Variants in GRIA3 observed in about 807,000 individuals in gnomAD.
The protein encoded by GRIA3 is glutamate receptor 3.
GRIA3 carries 3 observed loss-of-function variants against 63.0 expected under a neutral mutation model. The ratio of observed to expected loss-of-function variants is 0.05; its 90% CI spans 0.02 to 0.12. The LOEUF (loss-of-function observed/expected upper bound fraction) is 0.12, where lower values mean the gene tolerates loss of function less well. GRIA3 is among the 10% of genes least tolerant of loss of function. GRIA3 has a pLI of 1.00. For synonymous variants in GRIA3, 274 were observed against 257.9 expected (o/e 1.06, Z -0.60); for missense variants, 347 against 700.9 (o/e 0.50, Z 5.70).
chrX:123,456,953 G>A (rs967225855), intron 12 of GRIA3, among the ~76,000 whole-genome samples: 3 of 110,660 alleles, frequency 2.7e-5, no homozygotes, highest in African/African-American at 9.9e-5. Context: ...TACAGAGGAC[G>A]CTAAATAATT....
At chrX:123,463,658 A>AG (rs2045812504) in intron 12 of GRIA3, among the ~76,000 whole-genome samples, 2 of 52,530 alleles carry the variant, frequency 3.8e-5, no homozygotes, top group African/African-American at 1.1e-4. Context: ...GAAAGAAAGA[A>AG]AGAAAGAAAG....
intron 3 of GRIA3, among the ~76,000 whole-genome samples, chrX:123,303,958 G>C (rs143708235): frequency 9.0e-6 from 1 of 111,068 alleles, no homozygotes; most frequent in South Asian, 3.8e-4. Flanking sequence ...CAAAAGGAGC[G>C]GGTGATATCA....
At chrX:123,331,835 G>C (rs1387490901) in intron 4 of GRIA3, among the ~76,000 whole-genome samples, 1 of 111,198 alleles carries the variant, frequency 9.0e-6, no homozygotes, top group African/African-American at 3.3e-5. Flanking sequence ...AATTTCTTTG[G>C]GGCTCATTTT....
At chrX:123,267,420 C>T (rs1030340059) in intron 3 of GRIA3, among the ~76,000 whole-genome samples, 27 of 111,864 alleles carry the variant, frequency 2.4e-4, no homozygotes, top group African/African-American at 1.3e-4. Flanking sequence ...AGCTGCAGTG[C>T]GCCTTATGGT....
chrX:123,269,297 C>T (rs1290363488), intron 3 of GRIA3, among the ~76,000 whole-genome samples: 1 of 112,034 alleles, frequency 8.9e-6, no homozygotes, highest in African/African-American at 3.2e-5. Context: ...ATAATAATTG[C>T]CCCTAACTTA....
chrX:123,432,423 TTCTC>T (rs2045623063), intron 12 of GRIA3, among the ~76,000 whole-genome samples: 1 of 112,457 alleles, frequency 8.9e-6, no homozygotes, highest in Non-Finnish European at 1.9e-5. Context: ...ATTTTTCTCT[TTCTC>T]ATTTGCTGAA....
intron 10 of GRIA3, among the ~76,000 whole-genome samples, chrX:123,411,433 G>A (rs990538005): frequency 1.8e-5 from 2 of 111,853 alleles, no homozygotes; most frequent in Non-Finnish European, 3.8e-5. Flanking sequence ...AATTCTTAAA[G>A]ATATAACAAG....
intron 2 of GRIA3, among the ~76,000 whole-genome samples, chrX:123,248,464 T>C (rs747092746): frequency 8.9e-6 from 1 of 112,259 alleles, no homozygotes; most frequent in South Asian, 3.8e-4. Context: ...TCCATCACCA[T>C]TTTACCAGAG....
intron 5 of GRIA3, among the ~76,000 whole-genome samples, chrX:123,357,783 A>C (rs1180847490): frequency 7.2e-5 from 8 of 111,416 alleles, no homozygotes; most frequent in Non-Finnish European, 1.9e-5. Context: ...TCCTTTAAAA[A>C]TAAAGTAATG....
At chrX:123,247,556 A>T (rs2044366316) in intron 2 of GRIA3, among the ~76,000 whole-genome samples, 1 of 111,633 alleles carries the variant, frequency 9.0e-6, no homozygotes, top group Non-Finnish European at 1.9e-5. Flanking sequence ...ATACAGAGAC[A>T]GGCACTCTTA....
chrX:123,451,823 T>C (rs906255556), intron 12 of GRIA3, among the ~76,000 whole-genome samples: 2 of 110,726 alleles, frequency 1.8e-5, no homozygotes, highest in Non-Finnish European at 3.8e-5. Flanking sequence ...CCATGCTAAG[T>C]TGGAGATACC....
chrX:123,246,179 T>A (rs900826638), intron 2 of GRIA3, among the ~76,000 whole-genome samples: 2 of 112,180 alleles, frequency 1.8e-5, no homozygotes, highest in Non-Finnish European at 3.8e-5. Context: ...GTAGGGCAGG[T>A]GCACATTGAT....
chrX:123,277,011 T>C (rs1439602925), intron 3 of GRIA3, among the ~76,000 whole-genome samples: 1 of 111,863 alleles, frequency 8.9e-6, no homozygotes, highest in African/African-American at 3.2e-5. Flanking sequence ...AGAACATTTC[T>C]ATCATTGCAT....
intron 13 of GRIA3, among the ~76,000 whole-genome samples, chrX:123,478,955 C>T (rs902488518): frequency 8.9e-6 from 1 of 112,850 alleles, no homozygotes; most frequent in African/African-American, 3.2e-5. Context: ...AGAAAGAAGA[C>T]AGGATAAAGG....
At chrX:123,272,627 C>T (rs1050756633) in intron 3 of GRIA3, among the ~76,000 whole-genome samples, 2 of 111,775 alleles carry the variant, frequency 1.8e-5, no homozygotes, top group Non-Finnish European at 3.8e-5. Flanking sequence ...TCCAAGTGCA[C>T]ATTTAGACTG....
chrX:123,387,429 T>C (rs1306636443), intron 5 of GRIA3, among the ~76,000 whole-genome samples: 2 of 111,731 alleles, frequency 1.8e-5, no homozygotes, highest in African/African-American at 6.5e-5. Flanking sequence ...GACCTTTCTT[T>C]TTCCTACTTG....
chrX:123,198,909 G>A (rs1452845679), intron 2 of GRIA3, among the ~76,000 whole-genome samples: 2 of 111,982 alleles, frequency 1.8e-5, no homozygotes, highest in Non-Finnish European at 3.8e-5. Context: ...GCATGGAAGA[G>A]TGGATCCCAG....
At chrX:123,307,838 G>A (rs546761012) in intron 3 of GRIA3, among the ~76,000 whole-genome samples, 3 of 111,400 alleles carry the variant, frequency 2.7e-5, no homozygotes, top group African/African-American at 9.8e-5. Flanking sequence ...GAAAGGCAAC[G>A]GACAACAGGT....
chrX:123,468,286 C>CA (rs375627030), intron 13 of GRIA3, among the ~76,000 whole-genome samples: 2,296 of 94,848 alleles, frequency 0.024, 25 homozygotes, highest in Middle Eastern at 0.062. Flanking sequence ...ATTAGTGATG[C>CA]AAAAAAAAAA....
Sources: gnomAD v4.1 joint callset for allele counts (sites outside exome capture counted in the v4.1 genomes callset) on GRCh38, gnomAD v4.1.1 for gene constraint, MANE v1.5 for transcripts, NCBI Gene and HGNC (gene_info 2026-07-23, HGNC 2026-07-21) for gene names.